The following ARSG variants were observed in gnomAD, a reference collection of about 807,000 sequenced individuals.
The protein encoded by ARSG is ASG.
In ARSG, 37 loss-of-function variants were observed where a neutral mutation model predicts 50.5. That is an observed-to-expected ratio of 0.73 (90% CI 0.56 to 0.96). The LOEUF (loss-of-function observed/expected upper bound fraction) is 0.96. ARSG is among the 50% of genes least tolerant of loss of function. The pLI is 0.00. For missense variants in ARSG, 629 were observed against 675.3 expected, an observed-to-expected ratio of 0.93 and a Z score of 0.76; for synonymous variants, 225 against 254.6, an observed-to-expected ratio of 0.88 and a Z score of 1.11.
intron 10 of ARSG, among the ~76,000 whole-genome samples, chr17:68,398,213 T>C (rs1230853308): frequency 1.3e-5 from 2 of 152,326 alleles, no homozygotes; most frequent in African/African-American, 2.4e-5. Context: ...TATATAAACA[T>C]ACATATGCAT....
chr17:68,367,432 C>T lies in ARSG; in HGVS notation c.705-1116C>T, dbSNP rs572959521. ...TATGAAAGGGCCATGCATCTACCCC[C>T]ACCAGAATGTTGTTGACTCTGTACT... is the stretch of plus-strand genomic sequence containing the variant. On this transcript the variant is annotated intron_variant, in intron 6 of 11. Transcript: ENST00000621439. This position sits in a 1 kb window ranked among gnomAD's most constrained non-coding sequence, Gnocchi z 4.5. Among the ~76,000 whole-genome samples the T allele has an allele frequency of 9.8e-5, 15 of 152,288 alleles. 1 individual carries two copies. The highest frequency in any genetic ancestry group is 3.4e-4 in the African/African-American group (14 of 41,568).
intron 1 of ARSG, among the ~76,000 whole-genome samples, chr17:68,264,984 T>C (rs1302527248): frequency 1.1e-4 from 16 of 150,300 alleles, no homozygotes; most frequent in Admixed American, 1.1e-3. Flanking sequence ...CGAAACCCTG[T>C]CTCTACTAAA....
intron 1 of ARSG, among the ~76,000 whole-genome samples, chr17:68,286,045 C>T (rs1371502492): frequency 6.6e-6 from 1 of 152,160 alleles, no homozygotes. Context: ...AGATGTGAGC[C>T]ACCGCGCCTG....
intron 2 of ARSG, among the ~76,000 whole-genome samples, chr17:68,319,441 G>A (rs2077193471): frequency 6.6e-6 from 1 of 152,154 alleles, no homozygotes; most frequent in Admixed American, 6.5e-5. Context: ...CTGAACAAAA[G>A]GGACTTCAGG....
the ARSG span, among the ~76,000 whole-genome samples, chr17:68,432,544 G>T: frequency 6.6e-6 from 1 of 152,096 alleles, no homozygotes. Context: ...GTCCGCATGT[G>T]TCAGCATTGA....
intron 1 of ARSG, among the ~76,000 whole-genome samples, chr17:68,300,947 T>C (rs1215587883): frequency 1.3e-5 from 2 of 151,400 alleles, no homozygotes; most frequent in East Asian, 3.9e-4. Flanking sequence ...TGAAACCCCG[T>C]CTCTACTAAA....
intron 2 of ARSG, among the ~76,000 whole-genome samples, chr17:68,327,073 A>G (rs2077534919): frequency 6.6e-6 from 1 of 152,220 alleles, no homozygotes; most frequent in Admixed American, 6.5e-5. Context: ...GGGTAAGGAA[A>G]GACTTTGTGA....
At chr17:68,313,415 A>G (rs921278905) in intron 2 of ARSG, among the ~76,000 whole-genome samples, 6 of 152,082 alleles carry the variant, frequency 3.9e-5, no homozygotes, top group Admixed American at 6.6e-5. Context: ...AATCCTTGGC[A>G]TTCTGGGCTT....
chr17:68,328,863 C>T lies in ARSG; in HGVS notation c.219-14741C>T, dbSNP rs560824154. ...ACCAGACTGGAAGAAACAGGTCTTA[C>T]GAGGTAGAGTGCAGGACCTGAGCTG... On this transcript the variant is annotated intron_variant, in intron 2 of 11. Coordinates refer to ENST00000621439, the MANE Select transcript of ARSG (RefSeq NM_001267727.2). 8.7e-5 allele frequency among the ~76,000 whole-genome samples: 12 copies of T among 137,238 alleles called. No individual in the cohort carries two copies. In the South Asian group the frequency reaches 1.6e-3, roughly 19 times the overall value. The allele number at this position is 137,238 out of a possible 152,430, so 90.0% of individuals were successfully genotyped here. A position where few individuals can be genotyped will look rare whatever the true frequency, so the allele number is the denominator to read the frequency against.
chr17:68,426,205 G>A (rs147877550), downstream of ARSG: 916 of 1,519,340 alleles, frequency 6.0e-4, 5 homozygotes, highest in African/African-American at 0.012. Flanking sequence ...CATGAAACAA[G>A]CACTGGGGAT....
rs189370308 is a variant in ARSG, at chr17:68,355,397, C to T, written c.567-1270C>T. On this transcript the variant is annotated intron_variant, in intron 5 of 11. Coordinates refer to ENST00000621439, the MANE Select transcript of ARSG (RefSeq NM_001267727.2). The stretch of plus-strand genomic sequence containing the variant: ...TTTTGAGATGGAGTTTTGCTCTTGT[C>T]GCCCAGGCTGTAGTACAATGGCGCA... Among the ~76,000 whole-genome samples the T allele has an allele frequency of 2.6e-5, 4 of 152,304 alleles. No homozygotes were observed. The East Asian group carries it at 7.7e-4, about 29-fold the overall frequency.
At chr17:68,408,886 C>T (rs1179962164) in intron 11 of ARSG, among the ~76,000 whole-genome samples, 12 of 151,690 alleles carry the variant, frequency 7.9e-5, no homozygotes, top group Non-Finnish European at 1.8e-4. Flanking sequence ...TGATGGTGAG[C>T]ATTTTTTCAT....
chr17:68,309,652 A>C (rs1193662757), intron 2 of ARSG, among the ~76,000 whole-genome samples: 1 of 152,134 alleles, frequency 6.6e-6, no homozygotes, highest in Non-Finnish European at 1.5e-5. Flanking sequence ...TGAGGTCAAG[A>C]GTTCGAGACT....
chr17:68,437,275 C>G, the ARSG span, among the ~76,000 whole-genome samples: 1 of 152,036 alleles, frequency 6.6e-6, no homozygotes, highest in African/African-American at 2.4e-5. Context: ...AAATTTCAGG[C>G]CAGGCAAGGT....
chr17:68,277,615 A>G (rs1568411449), intron 1 of ARSG, among the ~76,000 whole-genome samples: 1 of 152,090 alleles, frequency 6.6e-6, no homozygotes. Context: ...TTTTCAGTAG[A>G]GATGGGGTTT....
At chr17:68,431,716 C>T in the ARSG span, among the ~76,000 whole-genome samples, 1 of 7,910 alleles carries the variant, frequency 1.3e-4, no homozygotes, top group African/African-American at 7.8e-4. Context: ...CGAAGCAGGG[C>T]TGAAGAGGCA....
At chr17:68,450,321 C>T in the ARSG span, among the ~76,000 whole-genome samples, 1 of 152,202 alleles carries the variant, frequency 6.6e-6, no homozygotes, top group South Asian at 2.1e-4. Flanking sequence ...ATCTCCTGCT[C>T]AGTGGTATTG....
At chr17:68,425,642 A>T (rs1465401626), downstream of ARSG, among the ~76,000 whole-genome samples, 2 of 152,182 alleles carry the variant, frequency 1.3e-5, no homozygotes, top group African/African-American at 2.4e-5. Context: ...AGTCCTGAAC[A>T]CACAGCCCAG....
chr17:68,369,083 T>G (rs181666838), intron 7 of ARSG, among the ~76,000 whole-genome samples: 2 of 152,244 alleles, frequency 1.3e-5, no homozygotes, highest in East Asian at 3.9e-4. Flanking sequence ...GATTTCCCTC[T>G]TCTCCATCTT....
Sources: allele counts gnomAD v4.1 joint callset (sites outside exome capture counted in the v4.1 genomes callset), GRCh38; gene constraint gnomAD v4.1.1; non-coding constraint Gnocchi (gnomAD v3.1); transcripts MANE v1.5; gene names NCBI Gene and HGNC (gene_info 2026-07-23, HGNC 2026-07-21).